NOL10: variants seen among roughly 807,000 people sequenced by gnomAD.
NOL10 encodes H_NH0074G24.1.
In NOL10, 58 loss-of-function variants were observed where a neutral mutation model predicts 103.5. The observed-to-expected ratio is 0.56, with a 90% CI of 0.45 to 0.70. NOL10 has a LOEUF of 0.70. Ranked by LOEUF, NOL10 falls within the 30% of genes least tolerant of loss-of-function variation. NOL10 has a pLI of 0.00. For synonymous variants in NOL10, 287 were observed against 282.5 expected, an observed-to-expected ratio of 1.02 and a Z score of -0.16; for missense variants, 763 against 807.3, an observed-to-expected ratio of 0.95 and a Z score of 0.67.
chr2:10,603,071 T>C lies in NOL10; in HGVS notation c.1233+7A>G, dbSNP rs376801819. 1.7e-5 allele frequency: 27 copies of C among 1,597,122 alleles called. No homozygotes were observed. The highest frequency in any genetic ancestry group is 4.5e-5 in the East Asian group (2 of 44,568). On this transcript the variant is annotated splice_region_variant and intron_variant, in intron 15 of 20. Transcript: ENST00000381685. ...CTGAAACATAATAACTGTAGTTTTC[T>C]GTTTACCTTGTGATAGAGTCTTATA...
intron 19 of NOL10, among the ~76,000 whole-genome samples, chr2:10,578,594 T>C (rs981421895): frequency 6.6e-6 from 1 of 152,164 alleles, no homozygotes; most frequent in Non-Finnish European, 1.5e-5. Flanking sequence ...ACAATCCCCC[T>C]CTGCTTTCCA....
Position 10,576,459 on chromosome 2 carries a change from G to A in NOL10, c.1947+1177C>T, listed in dbSNP as rs528586219. On this transcript the variant is annotated intron_variant, in intron 20 of 20. Transcript: ENST00000381685. ...CGCTTACCCCAAAAGAACACAACCCGTGTCCCTTAAAAAACGAATGAATAG... is the reference window on the plus strand; with the variant it reads ...CGCTTACCCCAAAAGAACACAACCCATGTCCCTTAAAAAACGAATGAATAG... 5.3e-5 allele frequency among the ~76,000 whole-genome samples: 8 copies of A among 152,194 alleles called. No individual in the cohort carries two copies. The East Asian group carries it at 1.5e-3, about 29-fold the overall frequency.
At chr2:10,594,579 G>A (rs1393540834) in intron 17 of NOL10, among the ~76,000 whole-genome samples, 2 of 152,136 alleles carry the variant, frequency 1.3e-5, no homozygotes, top group Non-Finnish European at 2.9e-5. Flanking sequence ...CATAGAATTG[G>A]GTGTTGATTA....
At chr2:10,653,575 C>T (rs552384941) in intron 12 of NOL10, among the ~76,000 whole-genome samples, 1 of 152,274 alleles carries the variant, frequency 6.6e-6, no homozygotes, top group African/African-American at 2.4e-5. Context: ...TCATGCCCAA[C>T]CCTCTACCAC....
At chr2:10,638,156 C>T (rs1678397187) in intron 13 of NOL10, among the ~76,000 whole-genome samples, 2 of 152,082 alleles carry the variant, frequency 1.3e-5, no homozygotes, top group African/African-American at 4.8e-5. Context: ...CTTGGTGGCA[C>T]ATGCCTGTAG....
chr2:10,592,560 T>C (rs949003345), intron 17 of NOL10, among the ~76,000 whole-genome samples: 1 of 152,162 alleles, frequency 6.6e-6, no homozygotes, highest in Non-Finnish European at 1.5e-5. Context: ...GTGTGAAAGA[T>C]AATTTCAAAT....
chr2:10,607,099 G>T, intron 14 of NOL10, 86 bp downstream of exon 14: 1 of 852,484 alleles, frequency 1.2e-6, no homozygotes, highest in Middle Eastern at 3.7e-4. Context: ...AGGTAAACAT[G>T]GCTCAGCCAA....
chr2:10,605,219 T>C (rs1173624664), intron 14 of NOL10, among the ~76,000 whole-genome samples: 1 of 152,188 alleles, frequency 6.6e-6, no homozygotes, highest in Non-Finnish European at 1.5e-5. Context: ...CACTATGCTA[T>C]CCACCCAGTC....
intron 13 of NOL10, among the ~76,000 whole-genome samples, chr2:10,643,708 C>T (rs773944329): frequency 2.6e-5 from 4 of 152,122 alleles, no homozygotes; most frequent in African/African-American, 7.2e-5. Context: ...CAGAATTAGA[C>T]CTCCGGATCA....
chr2:10,601,062 T>TAAG lies in NOL10; in HGVS notation c.1333-121_1333-120insCTT, dbSNP rs1675950043. The TAAG allele has an allele frequency of 5.0e-6, 3 of 602,260 alleles. No homozygotes were observed. In the Admixed American group the frequency reaches 1.0e-4, roughly 21 times the overall value. The allele number at this position is 602,260 out of a possible 1,614,324, so 37.3% of individuals were successfully genotyped here. On this transcript the variant is annotated intron_variant, in intron 16 of 20. Coordinates refer to ENST00000381685, the MANE Select transcript of NOL10 (RefSeq NM_024894.4). ...TCATAAATAGGAGATAACTAATTCT[T>TAAG]ATTTTATTATTTTTTTTTTGAGATG...
chr2:10,623,625 A>T (rs1209675077), intron 13 of NOL10, among the ~76,000 whole-genome samples: 1 of 152,176 alleles, frequency 6.6e-6, no homozygotes, highest in East Asian at 1.9e-4. Flanking sequence ...AGTTTTTGAT[A>T]TCCCACCCTT....
At chr2:10,684,651 T>C in intron 1 of NOL10, 39 bp from the exon 2 acceptor site, 5 of 1,506,790 alleles carry the variant, frequency 3.3e-6, no homozygotes, top group Non-Finnish European at 1.8e-6. Flanking sequence ...AAAACAAATT[T>C]AGCTAAATTG....
intron 19 of NOL10, 130 bp downstream of exon 19, chr2:10,588,913 C>A: frequency 2.2e-6 from 3 of 1,376,312 alleles, no homozygotes; most frequent in Non-Finnish European, 3.0e-6. Context: ...TCCCCTGCTT[C>A]CCTCGTCCCC....
chr2:10,618,185 T>C (rs982736966), intron 13 of NOL10, among the ~76,000 whole-genome samples: 1 of 151,930 alleles, frequency 6.6e-6, no homozygotes, highest in African/African-American at 2.4e-5. Flanking sequence ...CTTAGGACTA[T>C]ACACTTTAAA....
At chr2:10,615,706 G>T (rs149632894) in intron 13 of NOL10, among the ~76,000 whole-genome samples, 14 of 152,306 alleles carry the variant, frequency 9.2e-5, no homozygotes, top group African/African-American at 3.4e-4. Context: ...GAACAGCAAA[G>T]AGAAAAGATT....
chr2:10,667,374 A>T, intron 7 of NOL10, 96 bp from the exon 8 acceptor site: 1 of 851,700 alleles, frequency 1.2e-6, no homozygotes. Flanking sequence ...CCAAATTCTG[A>T]GTAGAAAGAA....
intron 13 of NOL10, among the ~76,000 whole-genome samples, chr2:10,623,499 T>C (rs1284891199): frequency 6.6e-6 from 1 of 152,330 alleles, no homozygotes; most frequent in East Asian, 1.9e-4. Flanking sequence ...TTCTTACCTC[T>C]TGTAAGATCC....
At chr2:10,680,674 G>A (rs1305159157) in intron 3 of NOL10, among the ~76,000 whole-genome samples, 1 of 152,184 alleles carries the variant, frequency 6.6e-6, no homozygotes, top group Non-Finnish European at 1.5e-5. Context: ...GATAGTGTTA[G>A]TTAGTACTGA....
chr2:10,628,186 T>C (rs1677604894), intron 13 of NOL10, among the ~76,000 whole-genome samples: 1 of 152,150 alleles, frequency 6.6e-6, no homozygotes, highest in Non-Finnish European at 1.5e-5. Flanking sequence ...AATCATGCCT[T>C]CTCTATCTAG....
Sources: allele counts gnomAD v4.1 joint callset (sites outside exome capture counted in the v4.1 genomes callset), GRCh38; gene constraint gnomAD v4.1.1; transcripts MANE v1.5; gene names NCBI Gene and HGNC (gene_info 2026-07-23, HGNC 2026-07-21).